The following CATSPERG variants were observed in gnomAD, a reference collection of about 807,000 sequenced individuals.
CATSPERG encodes the protein cation channel sperm-associated auxiliary subunit gamma.
CATSPERG carries 115 observed loss-of-function variants against 145.0 expected under a neutral mutation model. The observed-to-expected ratio is 0.79, with a 90% CI of 0.68 to 0.93. The LOEUF is 0.93. Ranked by LOEUF, CATSPERG falls within the 40% of genes least tolerant of loss-of-function variation. The pLI is 0.00. For synonymous variants in CATSPERG, 588 were observed against 589.0 expected (o/e 1.00, Z 0.02); for missense variants, 1,296 against 1,490.1 (o/e 0.87, Z 2.14).
intron 25 of CATSPERG, 69 bp downstream of exon 25, chr19:38,367,845 A>C: frequency 1.4e-6 from 2 of 1,452,332 alleles, no homozygotes; most frequent in Non-Finnish European, 1.9e-6. Flanking sequence ...CTTCCAAGCC[A>C]AGCCCACCTC....
In CATSPERG at chr19:38,368,042, G is replaced by A; in HGVS notation, c.2931-6G>A. ...CCCCTGGCTGAGATGACCTGGGCCT[G>A]CACAGGACCAACAGCCTTATCTGGA... On this transcript the variant is annotated splice_region_variant and splice_polypyrimidine_tract_variant and intron_variant, in intron 25 of 28. Transcript: ENST00000409235. 6.2e-7 allele frequency: 1 copy of A among 1,613,908 alleles called. No homozygotes were observed. Among genetic ancestry groups the A allele is most frequent in the Non-Finnish European group, 8.5e-7 (1 of 1,179,916 alleles).
At chr19:38,351,607 CAA>C (rs769452553) in intron 7 of CATSPERG, among the ~76,000 whole-genome samples, 4 of 110,598 alleles carry the variant, frequency 3.6e-5, no homozygotes, top group Admixed American at 9.6e-5. Context: ...GACTCCGCCT[CAA>C]AAAAAAAAAA....
Position 38,362,705 on chromosome 19 carries a change from C to A in CATSPERG, c.2357-9C>A, listed in dbSNP as rs1436791578. 1 of 1,613,724 alleles carries A rather than the reference C, an allele frequency of 6.2e-7. No individual in the cohort carries two copies. Among genetic ancestry groups the A allele is most frequent in the Non-Finnish European group, 8.5e-7 (1 of 1,179,708 alleles). ...GGGAGGCCTTAACCCCGTTTACTGC[C>A]CGGAGCAGGCACCGCCTTCCAGCTG... On this transcript the variant is annotated splice_polypyrimidine_tract_variant and intron_variant, in intron 19 of 28. Coordinates refer to ENST00000409235, the MANE Select transcript of CATSPERG (RefSeq NM_021185.5).
intron 9 of CATSPERG, among the ~76,000 whole-genome samples, chr19:38,355,494 C>T (rs572939130): frequency 5.9e-5 from 9 of 152,104 alleles, no homozygotes; most frequent in South Asian, 2.1e-4. Context: ...GTCAGGAGTT[C>T]GAGACCAGCC....
In CATSPERG at chr19:38,344,315, G is replaced by T; in HGVS notation, c.616G>T (p.Gly206Cys). 1 of 1,551,796 alleles carries T rather than the reference G, an allele frequency of 6.4e-7. No homozygotes were observed. Residue 206 changes from glycine to cysteine, a missense_variant, in exon 6 of 29, where the codon GGC becomes TGC. By Grantham distance (159) the Gly-to-Cys change is radical. Transcript: ENST00000409235. Reference protein sequence around the residue: ...PDKRFQMNINGFLKRDRDNNI... With the variant: ...PDKRFQMNINCFLKRDRDNNI... ...TGCTAGGTTCCAGATGAATATCAACGGCTTCCTGAAGAGAGACCGGGACAA... is the reference window on the plus strand; with the variant it reads ...TGCTAGGTTCCAGATGAATATCAACTGCTTCCTGAAGAGAGACCGGGACAA...
chr19:38,364,887 C>CATAG lies in CATSPERG; in HGVS notation c.2476-4_2476-3insATAG. On this transcript the variant is annotated splice_region_variant and splice_polypyrimidine_tract_variant and intron_variant, in intron 20 of 28. Coordinates refer to ENST00000409235, the MANE Select transcript of CATSPERG (RefSeq NM_021185.5). ...TTTCTGCCTCTCCCCTCCTTCAACCCCAGATTACGCTCAAGGATAAAAAGC... is the reference window on the plus strand; with the variant it reads ...TTTCTGCCTCTCCCCTCCTTCAACCCATAGCAGATTACGCTCAAGGATAAAAAGC... The CATAG allele has an allele frequency of 6.2e-7, 1 of 1,612,500 alleles. No homozygotes were observed. Among genetic ancestry groups the CATAG allele is most frequent in the Non-Finnish European group, 8.5e-7 (1 of 1,178,484 alleles).
intron 6 of CATSPERG, among the ~76,000 whole-genome samples, chr19:38,344,923 T>TGAGACGGGGCC (rs1970013703): frequency 1.5e-5 from 2 of 131,256 alleles, no homozygotes; most frequent in Non-Finnish European, 3.3e-5. Context: ...TTTTTTTTTT[T>TGAGACGGGGCC]TGAGACGGGG....
At chr19:38,364,371 G>A (rs1043563787) in intron 20 of CATSPERG, among the ~76,000 whole-genome samples, 17 of 152,110 alleles carry the variant, frequency 1.1e-4, no homozygotes, top group Middle Eastern at 6.8e-3. Flanking sequence ...ACGGGGCAGC[G>A]GGGCAGAGGC....
chr19:38,348,361 A>G (rs1057299569), intron 7 of CATSPERG, among the ~76,000 whole-genome samples: 2 of 150,952 alleles, frequency 1.3e-5, no homozygotes, highest in African/African-American at 4.9e-5. Context: ...CGGTCTCACT[A>G]TGTTGCCCAG....
chr19:38,362,358 G>T lies in CATSPERG; in HGVS notation c.2158-18G>T, dbSNP rs1970364312. ...CCACCCCCGGCGCTGACTCTGCCCC[G>T]CGCATCCGGTACCCCAGGATTACTA... is the stretch of plus-strand genomic sequence containing the variant. On this transcript the variant is annotated intron_variant, in intron 18 of 28. Transcript: ENST00000409235. 4 of 1,613,920 alleles carry T rather than the reference G, an allele frequency of 2.5e-6. 1 individual carries two copies. The highest frequency in any genetic ancestry group is 2.2e-5 in the East Asian group (1 of 44,878).
intron 6 of CATSPERG, among the ~76,000 whole-genome samples, chr19:38,344,899 A>ATTTTTTTTTTTT (rs1457655650): frequency 1.1e-5 from 1 of 93,098 alleles, no homozygotes; most frequent in African/African-American, 4.1e-5. Context: ...ATATATATAT[A>ATTTTTTTTTTTT]TATTTTTTTT....
At chr19:38,354,378 C>G (rs1243995700) in intron 8 of CATSPERG, among the ~76,000 whole-genome samples, 1 of 152,222 alleles carries the variant, frequency 6.6e-6, no homozygotes, top group African/African-American at 2.4e-5. Context: ...TTTTATGCCC[C>G]TCAGTAGCCC....
rs1443809473 is a variant in CATSPERG, at chr19:38,356,507, C to T, written c.1159C>T (p.Leu387=). Residue 387 remains leucine, a synonymous_variant, in exon 10 of 29, where the codon CTG becomes TTG. Coordinates refer to ENST00000409235, the MANE Select transcript of CATSPERG (RefSeq NM_021185.5). ...IRDGQVSFEM[L]PRQWSVCEQI... is the part of the protein sequence containing the mutation. ...AGATGGCCAGGTGTCCTTTGAGATG[C>T]TGCCCAGGCAGTGGTCTGTGTGCGA... The T allele has an allele frequency of 2.5e-6, 4 of 1,613,928 alleles. No individual in the cohort carries two copies. Among genetic ancestry groups the T allele is most frequent in the East Asian group, 2.2e-5 (1 of 44,874 alleles).
At chr19:38,353,536 A>G (rs1241830026) in intron 8 of CATSPERG, among the ~76,000 whole-genome samples, 1 of 149,858 alleles carries the variant, frequency 6.7e-6, no homozygotes, top group Non-Finnish European at 1.5e-5. Context: ...AAAATACAGA[A>G]AATTAGCAAA....
intron 1 of CATSPERG, among the ~76,000 whole-genome samples, chr19:38,336,855 C>G (rs12460599): frequency 6.6e-6 from 1 of 151,760 alleles, no homozygotes; most frequent in African/African-American, 2.4e-5. Flanking sequence ...CGGGGCGGAA[C>G]GAGGCGGAGG....
At chr19:38,341,065 G>A (rs1213990162) in intron 3 of CATSPERG, among the ~76,000 whole-genome samples, 2 of 152,212 alleles carry the variant, frequency 1.3e-5, no homozygotes, top group African/African-American at 2.4e-5. Flanking sequence ...GTCAGCATGT[G>A]TGAGAAACTA....
intron 20 of CATSPERG, among the ~76,000 whole-genome samples, chr19:38,364,284 A>G (rs1470920407): frequency 6.7e-6 from 1 of 150,322 alleles, no homozygotes; most frequent in Non-Finnish European, 1.5e-5. Flanking sequence ...CACTTCTCAG[A>G]CAGGGCGGCT....
At position 38,352,323 on chromosome 19, in the gene CATSPERG, C is replaced by T; in HGVS notation, c.888C>T (p.Thr296=). ...GCCCCCATTCTGGCTTCACAGCCAC[C>T]ATCTATGACACTATTGCCACCGAGA... The part of the protein sequence containing the change: ...FYCPHSGFTA[T]IYDTIATEST... Residue 296 remains threonine (T), a synonymous_variant, in exon 8 of 29, where the codon ACC becomes ACT. Coordinates refer to ENST00000409235, the MANE Select transcript of CATSPERG (RefSeq NM_021185.5). The T allele has an allele frequency of 2.6e-6, 4 of 1,549,718 alleles. No homozygotes were observed. The highest frequency in any genetic ancestry group is 1.7e-4 in the Middle Eastern group (1 of 5,994).
In CATSPERG at chr19:38,367,754, C is replaced by T. The variant is rs141648079; in HGVS notation, c.2908C>T (p.Arg970Cys). The change falls in exon 25 of 29, where the codon CGC becomes TGC. Residue 970 changes from arginine (R) to cysteine (C), a missense_variant. Arg to Cys is a radical substitution (Grantham distance 180). Coordinates refer to ENST00000409235, the MANE Select transcript of CATSPERG (RefSeq NM_021185.5). ...GGACTACAGTGAGGACGAAATCTACCGCTTCAACAGCCCCCTGGACAAGTA... is the reference window on the plus strand; with the variant it reads ...GGACTACAGTGAGGACGAAATCTACTGCTTCAACAGCCCCCTGGACAAGTA... ...LKDYSEDEIY[R>C]FNSPLDKTNS... 332 of 1,614,066 alleles carry T rather than the reference C, an allele frequency of 2.1e-4. 1 individual carries two copies. The highest frequency in any genetic ancestry group is 3.3e-4 in the East Asian group (15 of 44,878).
Sources: allele counts gnomAD v4.1 joint callset (sites outside exome capture counted in the v4.1 genomes callset), GRCh38; gene constraint gnomAD v4.1.1; transcripts MANE v1.5; gene names NCBI Gene and HGNC (gene_info 2026-07-23, HGNC 2026-07-21).